Variants in RHBDL2 observed in about 807,000 individuals in gnomAD.
The protein encoded by RHBDL2 is rhomboid-related protein 2.
In RHBDL2, 26 loss-of-function variants were observed where a neutral mutation model predicts 31.7. The ratio of observed to expected loss-of-function variants is 0.82; its 90% confidence interval spans 0.60 to 1.14. The LOEUF (loss-of-function observed/expected upper bound fraction) is 1.14, where lower values mean the gene tolerates loss of function less well. RHBDL2 is among the 50% of genes most tolerant of loss of function. The pLI is 0.00. For missense variants in RHBDL2, 336 were observed against 364.4 expected, an observed-to-expected ratio of 0.92 and a Z score of 0.63; for synonymous variants, 123 against 127.2, an observed-to-expected ratio of 0.97 and a Z score of 0.22.
intron 4 of RHBDL2, among the ~76,000 whole-genome samples, chr1:38,908,759 C>T (rs548778336): frequency 1.3e-5 from 2 of 152,178 alleles, no homozygotes; most frequent in East Asian, 3.9e-4. Context: ...TTACAGGGTA[C>T]TCTTAGTTTA....
intron 1 of RHBDL2, among the ~76,000 whole-genome samples, chr1:38,937,541 T>C (rs1643523906): frequency 6.6e-6 from 1 of 152,082 alleles, no homozygotes; most frequent in African/African-American, 2.4e-5. Flanking sequence ...GCTGAGAATC[T>C]GGAAATGGAC....
chr1:38,913,921 A>G (rs1309550253), intron 3 of RHBDL2, among the ~76,000 whole-genome samples: 1 of 152,136 alleles, frequency 6.6e-6, no homozygotes, highest in Non-Finnish European at 1.5e-5. Context: ...GATTGAGACC[A>G]TCCTGGCCAA....
intron 1 of RHBDL2, among the ~76,000 whole-genome samples, chr1:38,920,693 G>A (rs141914472): frequency 0.077 from 10,894 of 142,246 alleles, 425 homozygotes; most frequent in South Asian, 0.097. Context: ...TGCAACCTCC[G>A]CCTCCCGGGT....
At chr1:38,897,344 C>G (rs1161636896) in intron 4 of RHBDL2, among the ~76,000 whole-genome samples, 13 of 152,232 alleles carry the variant, frequency 8.5e-5, no homozygotes, top group Non-Finnish European at 1.5e-5. Context: ...TCGTGATCTG[C>G]CCACCTCGGC....
Position 38,918,957 on chromosome 1 carries a change from C to G in RHBDL2, c.246+10G>C, listed in dbSNP as rs767932752. The G allele has an allele frequency of 6.2e-7, 1 of 1,608,714 alleles. No homozygotes were observed. Among genetic ancestry groups the G allele is most frequent in the African/African-American group, 1.3e-5 (1 of 74,950 alleles). On this transcript the variant is annotated intron_variant, in intron 2 of 7. Coordinates refer to ENST00000372990, the MANE Select transcript of RHBDL2 (RefSeq NM_017821.5). Reference sequence around the variant, plus strand: ...CACTTACCCCGGTGCCCACCCCGCTCCCCATTCACCTCGGCCAGGCTGATG... The same window carrying G: ...CACTTACCCCGGTGCCCACCCCGCTGCCCATTCACCTCGGCCAGGCTGATG...
chr1:38,906,111 G>A (rs12092403), intron 4 of RHBDL2, among the ~76,000 whole-genome samples: 3,068 of 151,138 alleles, frequency 0.02, 97 homozygotes, highest in African/African-American at 0.07. Flanking sequence ...ATTTTGTGGC[G>A]AAATACTCAT....
At chr1:38,919,993 C>G (rs1643289702) in intron 1 of RHBDL2, among the ~76,000 whole-genome samples, 1 of 152,150 alleles carries the variant, frequency 6.6e-6, no homozygotes, top group Admixed American at 6.5e-5. Flanking sequence ...ATACCCATAC[C>G]TGTTAAGCAG....
intron 2 of RHBDL2, 28 bp from the exon 3 acceptor site, chr1:38,915,738 A>G: frequency 1.2e-6 from 2 of 1,613,160 alleles, no homozygotes; most frequent in Non-Finnish European, 1.7e-6. Flanking sequence ...CATGAGTATT[A>G]ACCACACCTT....
At chr1:38,894,707 CTTTTTTTT>C (rs71057159) in intron 5 of RHBDL2, among the ~76,000 whole-genome samples, 2 of 114,192 alleles carry the variant, frequency 1.8e-5, no homozygotes, top group Admixed American at 1.0e-4. Context: ...CTTTTTTTTT[CTTTTTTTT>C]TTTTTTTTTT....
intron 1 of RHBDL2, among the ~76,000 whole-genome samples, chr1:38,928,693 G>A (rs542091694): frequency 2.0e-5 from 3 of 152,224 alleles, no homozygotes; most frequent in Admixed American, 6.5e-5. Flanking sequence ...TGATCCACCC[G>A]CCTCGGCATC....
chr1:38,903,328 C>T (rs564590536), intron 4 of RHBDL2, among the ~76,000 whole-genome samples: 45 of 151,456 alleles, frequency 3.0e-4, no homozygotes, highest in African/African-American at 9.9e-4. Context: ...TTAGTAGAGA[C>T]GGGGTTTCAC....
At chr1:38,914,166 C>T (rs918459083) in intron 3 of RHBDL2, among the ~76,000 whole-genome samples, 1 of 151,804 alleles carries the variant, frequency 6.6e-6, no homozygotes, top group African/African-American at 2.4e-5. Context: ...ATGGCGGGCA[C>T]TGCATCTCCT....
chr1:38,896,105 A>G, intron 4 of RHBDL2, 36 bp from the exon 5 acceptor site: 1 of 1,438,630 alleles, frequency 7.0e-7, no homozygotes, highest in Non-Finnish European at 9.8e-7. Flanking sequence ...AGACATGACT[A>G]TACGGATCAG....
chr1:38,931,995 G>T lies in RHBDL2; in HGVS notation c.-126+9687C>A, dbSNP rs1411070747. Among the ~76,000 whole-genome samples, 7 of 152,298 alleles carry T rather than the reference G, an allele frequency of 4.6e-5. No individual in the cohort carries two copies. The East Asian group carries it at 1.3e-3, about 29-fold the overall frequency. On this transcript the variant is annotated intron_variant, in intron 1 of 7. Coordinates refer to ENST00000372990, the MANE Select transcript of RHBDL2 (RefSeq NM_017821.5). Reference sequence around the variant, plus strand: ...TGACTGGTTTTGACCAATACTACGTGGCAGAAGCTATGCTGGATACTTTGC... The same window carrying T: ...TGACTGGTTTTGACCAATACTACGTTGCAGAAGCTATGCTGGATACTTTGC...
chr1:38,891,997 G>T (rs955491016), intron 6 of RHBDL2, among the ~76,000 whole-genome samples: 4 of 152,264 alleles, frequency 2.6e-5, no homozygotes, highest in Middle Eastern at 3.4e-3. Context: ...TTTCTTCCAT[G>T]CTCTATGGCC....
chr1:38,935,102 C>G (rs1643482591), intron 1 of RHBDL2, among the ~76,000 whole-genome samples: 1 of 152,042 alleles, frequency 6.6e-6, no homozygotes, highest in Non-Finnish European at 1.5e-5. Context: ...GTTTTAAATA[C>G]ATTTTCATCC....
Position 38,886,774 on chromosome 1 carries a change from G to A in RHBDL2, c.733-91C>T, listed in dbSNP as rs776444439. 19 of 1,066,252 alleles carry A rather than the reference G, an allele frequency of 1.8e-5. No homozygotes were observed. In the South Asian group the frequency reaches 2.0e-4, roughly 11 times the overall value. 66.0% of individuals were successfully genotyped at this position (1,066,252 alleles called of 1,614,324 possible). A position where few individuals can be genotyped will look rare whatever the true frequency, so the allele number is the denominator to read the frequency against. Reference sequence around the variant, plus strand: ...TCTCTCTTATTCAAACACAAATACCGTCACAGTTAAACAAGAGTCTTAAAG... The same window carrying A: ...TCTCTCTTATTCAAACACAAATACCATCACAGTTAAACAAGAGTCTTAAAG... On this transcript the variant is annotated intron_variant, in intron 7 of 7. Coordinates refer to ENST00000372990, the MANE Select transcript of RHBDL2 (RefSeq NM_017821.5).
chr1:38,929,534 T>G, intron 1 of RHBDL2: 1 of 1,289,386 alleles, frequency 7.8e-7, no homozygotes, highest in Non-Finnish European at 1.0e-6. Context: ...TTTAAATATC[T>G]GAATTGTTTT....
intron 2 of RHBDL2, among the ~76,000 whole-genome samples, chr1:38,917,511 C>T (rs946140474): frequency 1.3e-5 from 2 of 152,188 alleles, no homozygotes; most frequent in African/African-American, 2.4e-5. Context: ...TACCACGATA[C>T]CTTATCTCAT....
Sources: allele counts gnomAD v4.1 joint callset (sites outside exome capture counted in the v4.1 genomes callset), GRCh38; gene constraint gnomAD v4.1.1; transcripts MANE v1.5; gene names NCBI Gene and HGNC (gene_info 2026-07-23, HGNC 2026-07-21).